Variants in TMEM266 observed in about 807,000 individuals in gnomAD.
The protein encoded by TMEM266 is Hv1 related protein 1.
Under a neutral mutation model 50.5 loss-of-function variants are expected in TMEM266, and 33 were observed. The observed-to-expected ratio is 0.65, with a 90% confidence interval of 0.50 to 0.87. The LOEUF (loss-of-function observed/expected upper bound fraction) is 0.87. Among genes scored for constraint, TMEM266 ranks in the 40% least tolerant of loss-of-function variants. TMEM266 has a pLI of 0.00. For missense variants in TMEM266, 655 were observed against 695.1 expected (o/e 0.94, Z 0.65); for synonymous variants, 310 against 292.3 (o/e 1.06, Z -0.62).
At chr15:76,102,559 C>A (rs1043528301) in intron 1 of TMEM266, among the ~76,000 whole-genome samples, 7 of 152,050 alleles carry the variant, frequency 4.6e-5, no homozygotes, top group Non-Finnish European at 7.4e-5. Flanking sequence ...TGGAGTCAGG[C>A]CGGGTGCGGT....
At position 76,081,682 on chromosome 15, in the gene TMEM266, G is replaced by A. The variant is rs142205124; in HGVS notation, c.-97+21666G>A. Among the ~76,000 whole-genome samples the A allele has an allele frequency of 1.1e-3, 161 of 152,326 alleles. 1 individual carries two copies. The highest frequency in any genetic ancestry group is 3.6e-3 in the African/African-American group (149 of 41,564). On this transcript the variant is annotated intron_variant, in intron 1 of 10. Coordinates refer to ENST00000388942, the MANE Select transcript of TMEM266 (RefSeq NM_152335.3). ...ACCTGAGTGTCCATATCTGTAAATC[G>A]GGTCTGTATACTTGGAGGTTGTTGT...
chr15:76,096,315 G>A (rs140864618), intron 1 of TMEM266, among the ~76,000 whole-genome samples: 61 of 152,040 alleles, frequency 4.0e-4, no homozygotes, highest in African/African-American at 1.2e-3. Flanking sequence ...TTGTGTTTTC[G>A]TTCTCATTGG....
At chr15:76,080,950 T>G (rs34072620) in intron 1 of TMEM266, among the ~76,000 whole-genome samples, 114,116 of 150,900 alleles carry the variant, frequency 0.76, 44,004 homozygotes, top group Admixed American at 0.84. Flanking sequence ...GAGGTCTCAT[T>G]ATGTTGCCCA....
intron 5 of TMEM266, among the ~76,000 whole-genome samples, chr15:76,167,674 G>A (rs1209275171): frequency 1.3e-5 from 2 of 151,902 alleles, no homozygotes; most frequent in African/African-American, 2.4e-5. Context: ...GCTAATGATT[G>A]TAGTTTTAGT....
At chr15:76,183,875 T>G (rs2038456680) in intron 8 of TMEM266, among the ~76,000 whole-genome samples, 1 of 152,172 alleles carries the variant, frequency 6.6e-6, no homozygotes, top group Admixed American at 6.5e-5. Flanking sequence ...CTCCATCCCC[T>G]TCGCTGTCTT....
chr15:76,201,491 C>T (rs1465436013), intron 9 of TMEM266, among the ~76,000 whole-genome samples: 1 of 152,200 alleles, frequency 6.6e-6, no homozygotes. Flanking sequence ...AATCCTCCCA[C>T]CTCAGCCTCC....
rs772183122 is a variant in TMEM266 at position 76,153,366 on chromosome 15, C to T, written c.228-3238C>T. ...CAAGGCACGAAGGTGAACAAATGCC[C>T]GGCACCTTCCGTGGAACGTGAAGAC... On this transcript the variant is annotated intron_variant, in intron 3 of 10. Transcript: ENST00000388942. The surrounding 1 kb of genome is among the most constrained non-coding windows in gnomAD (Gnocchi z 4.2). 2.0e-5 allele frequency among the ~76,000 whole-genome samples: 3 copies of T among 152,136 alleles called. No individual in the cohort carries two copies. Among genetic ancestry groups the T allele is most frequent in the African/African-American group, 7.2e-5 (3 of 41,426 alleles).
chr15:76,116,489 TCTC>T (rs577938729), intron 1 of TMEM266, among the ~76,000 whole-genome samples: 60 of 151,190 alleles, frequency 4.0e-4, no homozygotes, highest in African/African-American at 1.3e-3. Flanking sequence ...TCCCTCCCCC[TCTC>T]CTCCTCTTCA....
Position 76,203,842 on chromosome 15 carries a change from C to CTCAAACTCGGCGG in TMEM266, c.1125_1137dup (p.Asn380GlnfsTer5). On this transcript the variant is annotated frameshift_variant, in exon 11 of 11. Transcript: ENST00000388942. LOFTEE classifies it high-confidence loss of function. ...GGACCTCTTCTCTCTGGACATGCCC[C>CTCAAACTCGGCGG]TCAAACTCGGCGGTAATGGCACCAG... The CTCAAACTCGGCGG allele has an allele frequency of 6.2e-7, 1 of 1,614,238 alleles. No homozygotes were observed. The highest frequency in any genetic ancestry group is 8.5e-7 in the Non-Finnish European group (1 of 1,180,040).
At chr15:76,164,933 C>T (rs1047200639) in intron 5 of TMEM266, among the ~76,000 whole-genome samples, 3 of 152,256 alleles carry the variant, frequency 2.0e-5, no homozygotes, top group Non-Finnish European at 4.4e-5. Context: ...GGATCTCCCT[C>T]TGCCTTTTAA....
At chr15:76,140,576 T>G (rs1056358402) in intron 3 of TMEM266, among the ~76,000 whole-genome samples, 1 of 152,170 alleles carries the variant, frequency 6.6e-6, no homozygotes, top group Non-Finnish European at 1.5e-5. Flanking sequence ...GTGGCCCCGC[T>G]GCCCGCCTCC....
chr15:76,199,360 G>A (rs1049118579), intron 9 of TMEM266, among the ~76,000 whole-genome samples: 2 of 152,260 alleles, frequency 1.3e-5, no homozygotes, highest in Non-Finnish European at 2.9e-5. Flanking sequence ...CACAGAGAAA[G>A]GAGAACGATC....
chr15:76,148,956 A>C (rs1488295820), intron 3 of TMEM266, among the ~76,000 whole-genome samples: 1 of 152,156 alleles, frequency 6.6e-6, no homozygotes, highest in East Asian at 1.9e-4. Flanking sequence ...GTTATCCCAG[A>C]GCTCTGGGAG....
intron 3 of TMEM266, among the ~76,000 whole-genome samples, chr15:76,154,287 A>G (rs138318050): frequency 1.3e-5 from 2 of 152,338 alleles, no homozygotes; most frequent in African/African-American, 2.4e-5. Flanking sequence ...GTAACTGGAC[A>G]TACTGCGCTT....
At chr15:76,138,719 G>A (rs2037631366) in intron 3 of TMEM266, among the ~76,000 whole-genome samples, 1 of 152,228 alleles carries the variant, frequency 6.6e-6, no homozygotes, top group Non-Finnish European at 1.5e-5. Flanking sequence ...GAAGGCATGC[G>A]GAATATGTGG....
rs1485086212 is a variant in TMEM266, at chr15:76,145,703, C to T, written c.227+7808C>T. Among the ~76,000 whole-genome samples the T allele has an allele frequency of 5.5e-4, 84 of 152,226 alleles. 2 individuals carry two copies. Among genetic ancestry groups the T allele is most frequent in the Non-Finnish European group, 1.8e-4 (12 of 68,046 alleles). On this transcript the variant is annotated intron_variant, in intron 3 of 10. Coordinates refer to ENST00000388942, the MANE Select transcript of TMEM266 (RefSeq NM_152335.3). ...GTTCTCCTTTCATAGCCTTCAGTCT[C>T]GAATTAGCCCTTAATTTCATCCAGC... is the stretch of plus-strand genomic sequence containing the variant.
At chr15:76,167,467 CAAAAAAA>C (rs552656577) in intron 5 of TMEM266, among the ~76,000 whole-genome samples, 6 of 101,226 alleles carry the variant, frequency 5.9e-5, no homozygotes, top group African/African-American at 1.1e-4. Flanking sequence ...GAGACTGTTT[CAAAAAAA>C]AAAAAAAAAA....
At chr15:76,190,976 G>A (rs1291261413) in intron 8 of TMEM266, among the ~76,000 whole-genome samples, 2 of 152,192 alleles carry the variant, frequency 1.3e-5, no homozygotes, top group East Asian at 1.9e-4. Context: ...CCGCGGCCGG[G>A]ACCTGCAGTG....
intron 9 of TMEM266, among the ~76,000 whole-genome samples, chr15:76,194,474 A>G (rs542312863): frequency 2.3e-4 from 35 of 152,204 alleles, no homozygotes; most frequent in Non-Finnish European, 4.3e-4. Context: ...CCTCAGGAGA[A>G]AGCCCACGCC....
Sources: gnomAD v4.1 joint callset for allele counts (sites outside exome capture counted in the v4.1 genomes callset) on GRCh38, gnomAD v4.1.1 for gene constraint, Gnocchi (gnomAD v3.1) non-coding constraint, MANE v1.5 for transcripts, NCBI Gene and HGNC (gene_info 2026-07-23, HGNC 2026-07-21) for gene names.